The following ANKRD31 variants were observed in gnomAD, a reference collection of about 807,000 sequenced individuals.
The protein encoded by ANKRD31 is ankyrin repeat domain-containing protein 31.
ANKRD31 carries 147 observed loss-of-function variants against 186.0 expected under a neutral mutation model. That is an observed-to-expected ratio of 0.79 (90% CI 0.69 to 0.91). ANKRD31 has a LOEUF of 0.91. ANKRD31 is among the 40% of genes least tolerant of loss of function. The pLI is 0.00. For synonymous variants in ANKRD31, 673 were observed against 736.4 expected (o/e 0.91, Z 1.39); for missense variants, 1,986 against 2,148.8 (o/e 0.92, Z 1.50).
intron 20 of ANKRD31, among the ~76,000 whole-genome samples, chr5:75,108,750 C>T (rs977506337): frequency 6.6e-6 from 1 of 152,068 alleles, no homozygotes; most frequent in East Asian, 1.9e-4. Flanking sequence ...AGTTTCACGA[C>T]ATGATGCATA....
At chr5:75,133,625 G>A (rs577459956) in intron 17 of ANKRD31, among the ~76,000 whole-genome samples, 13 of 152,236 alleles carry the variant, frequency 8.5e-5, no homozygotes, top group Non-Finnish European at 1.2e-4. Flanking sequence ...AAGTTAACAA[G>A]GATATCCAGG....
intron 12 of ANKRD31, among the ~76,000 whole-genome samples, chr5:75,153,360 C>T (rs939530471): frequency 9.9e-5 from 15 of 151,978 alleles, no homozygotes; most frequent in Admixed American, 7.2e-4. Flanking sequence ...TATTAGGATT[C>T]GTTGTTACAT....
chr5:75,200,178 C>T lies in ANKRD31; in HGVS notation c.404-504G>A, dbSNP rs77339661. 1.9e-3 allele frequency among the ~76,000 whole-genome samples: 291 copies of T among 152,332 alleles called. 2 individuals are homozygous for T. Among genetic ancestry groups the T allele is most frequent in the South Asian group, 3.1e-3 (15 of 4,824 alleles). Reference sequence around the variant, plus strand: ...TCTGTGACTGCAAATTCACTATCTACTCTCACCCTGCCCCCTCTGAGCCAA... The same window carrying T: ...TCTGTGACTGCAAATTCACTATCTATTCTCACCCTGCCCCCTCTGAGCCAA... On this transcript the variant is annotated intron_variant, in intron 5 of 25. Coordinates refer to ENST00000506364, the MANE Select transcript of ANKRD31 (RefSeq NM_001372053.1).
At chr5:75,184,102 C>G (rs879907625) in intron 10 of ANKRD31, among the ~76,000 whole-genome samples, 1 of 152,108 alleles carries the variant, frequency 6.6e-6, no homozygotes, top group Admixed American at 6.6e-5. Context: ...ATCCACGCAT[C>G]TACAGCCAAC....
chr5:75,078,686 T>C (rs1215149405), intron 25 of ANKRD31, among the ~76,000 whole-genome samples: 1 of 151,776 alleles, frequency 6.6e-6, no homozygotes, highest in African/African-American at 2.4e-5. Flanking sequence ...GTGATCTATC[T>C]TAACAGAATT....
At chr5:75,118,369 C>G (rs1748469317) in intron 17 of ANKRD31, 72 bp from the exon 18 acceptor site, 2 of 1,237,914 alleles carry the variant, frequency 1.6e-6, no homozygotes, top group Non-Finnish European at 2.1e-6. Flanking sequence ...ATCACAAACA[C>G]CACTGCCAAG....
intron 17 of ANKRD31, among the ~76,000 whole-genome samples, chr5:75,128,765 C>T (rs1331080708): frequency 2.0e-5 from 3 of 151,522 alleles, no homozygotes; most frequent in South Asian, 2.1e-4. Context: ...CTGCCTGCTT[C>T]GGCCTCCCAA....
At position 75,193,520 on chromosome 5, in the gene ANKRD31, T is replaced by C. The variant is rs1198111181; in HGVS notation, c.1089A>G (p.Leu363=). Residue 363 remains leucine, a synonymous_variant, in exon 8 of 26, where the codon CTA becomes CTG. Transcript: ENST00000506364. The part of the protein sequence containing the change: ...AHQNITSCEP[L]SNKRNSNSVT... ...CTGAATTTGAATTTCTCTTATTACT[T>C]AGTGGCTCACAAGAAGTGATATTTT... 6.5e-7 allele frequency: 1 copy of C among 1,537,012 alleles called. No homozygotes were observed. Among genetic ancestry groups the C allele is most frequent in the South Asian group, 1.2e-5 (1 of 84,054 alleles).
chr5:75,153,490 G>A (rs543119328), intron 12 of ANKRD31, among the ~76,000 whole-genome samples: 2 of 152,180 alleles, frequency 1.3e-5, no homozygotes, highest in South Asian at 4.2e-4. Flanking sequence ...CATATCTGAG[G>A]AAAAGCAAGG....
Position 75,236,793 on chromosome 5 carries a change from T to C in ANKRD31, c.-107A>G. The C allele has an allele frequency of 1.1e-6, 1 of 922,008 alleles. No homozygotes were observed. Among genetic ancestry groups the C allele is most frequent in the South Asian group, 1.8e-5 (1 of 56,950 alleles). The allele number at this position is 922,008 out of a possible 1,614,324, so 57.1% of individuals were successfully genotyped here. ...GGAAATTGTGAATTAAAAATAAAAA[T>C]AATATAATCGCAGCAGGAGCCGGGA... On this transcript the variant is annotated 5_prime_UTR_variant, in exon 1 of 26. Coordinates refer to ENST00000506364, the MANE Select transcript of ANKRD31 (RefSeq NM_001372053.1).
At chr5:75,183,451 C>T (rs1234772023) in intron 10 of ANKRD31, among the ~76,000 whole-genome samples, 2 of 152,038 alleles carry the variant, frequency 1.3e-5, no homozygotes, top group South Asian at 2.1e-4. Context: ...AAAAGGTGTC[C>T]AAATGGGAAA....
At position 75,118,283 on chromosome 5, in the gene ANKRD31, T is replaced by C. The variant is rs1455529717; in HGVS notation, c.3891A>G (p.Leu1297=). The C allele has an allele frequency of 1.3e-6, 2 of 1,499,142 alleles. No individual in the cohort carries two copies. The highest frequency in any genetic ancestry group is 1.8e-6 in the Non-Finnish European group (2 of 1,135,282). 92.9% of individuals were successfully genotyped at this position (1,499,142 alleles called of 1,614,324 possible). Reference sequence around the variant, plus strand: ...GATTAGGGTTTGCTCCATTTTGTAGTAGAATCTCAGCTGCCTACAAAGTAT... The same window carrying C: ...GATTAGGGTTTGCTCCATTTTGTAGCAGAATCTCAGCTGCCTACAAAGTAT... The part of the protein sequence containing the change: ...ANNHLKAAEI[L]LQNGANPNQK... The change falls in exon 18 of 26, where the codon CTA becomes CTG. Residue 1297 remains leucine (L), a synonymous_variant. Transcript: ENST00000506364.
intron 2 of ANKRD31, among the ~76,000 whole-genome samples, chr5:75,227,087 G>T (rs1413045424): frequency 6.6e-6 from 1 of 152,124 alleles, no homozygotes; most frequent in Non-Finnish European, 1.5e-5. Context: ...ATACACAGTG[G>T]AGTACTATTC....
At chr5:75,112,369 A>G (rs1256951241) in intron 20 of ANKRD31, 144 bp downstream of exon 20, 9 of 507,010 alleles carry the variant, frequency 1.8e-5, no homozygotes, top group East Asian at 3.3e-5. Flanking sequence ...AATGATATTA[A>G]TAATTCCTAG....
chr5:75,112,398 A>T, intron 20 of ANKRD31, 115 bp downstream of exon 20: 1 of 625,182 alleles, frequency 1.6e-6, no homozygotes, highest in South Asian at 2.4e-5. Flanking sequence ...ATACTCTCAC[A>T]TAAAAATAGA....
At chr5:75,113,637 C>CA (rs1747958800) in intron 19 of ANKRD31, among the ~76,000 whole-genome samples, 2 of 152,150 alleles carry the variant, frequency 1.3e-5, no homozygotes, top group African/African-American at 4.8e-5. Context: ...TGTAGGTCCT[C>CA]AAAGCCTTCT....
At chr5:75,222,479 T>C (rs1485858121) in intron 2 of ANKRD31, 121 bp from the exon 3 acceptor site, 16 of 718,896 alleles carry the variant, frequency 2.2e-5, no homozygotes, top group East Asian at 2.8e-5. Context: ...ATTATTTCTT[T>C]TTTCATTTCT....
intron 10 of ANKRD31, among the ~76,000 whole-genome samples, chr5:75,169,874 A>G (rs1184044312): frequency 2.0e-5 from 3 of 152,130 alleles, no homozygotes; most frequent in African/African-American, 7.2e-5. Context: ...AACCCACCAG[A>G]TGATAGTAGA....
intron 25 of ANKRD31, among the ~76,000 whole-genome samples, chr5:75,078,817 G>A (rs1744860035): frequency 6.6e-6 from 1 of 152,142 alleles, no homozygotes; most frequent in African/African-American, 2.4e-5. Context: ...ATATCAGTGA[G>A]GATTCCCTCA....
Sources: gnomAD v4.1 joint callset for allele counts (sites outside exome capture counted in the v4.1 genomes callset) on GRCh38, gnomAD v4.1.1 for gene constraint, MANE v1.5 for transcripts, NCBI Gene and HGNC (gene_info 2026-07-23, HGNC 2026-07-21) for gene names.